The following LETM1 variants were observed in gnomAD, a reference collection of about 807,000 sequenced individuals.
LETM1 encodes mitochondrial proton/calcium exchanger protein.
LETM1 carries 50 observed loss-of-function variants against 74.5 expected under a neutral mutation model. The ratio of observed to expected loss-of-function variants is 0.67; its 90% CI spans 0.53 to 0.85. The LOEUF (loss-of-function observed/expected upper bound fraction) is 0.85, where lower values mean the gene tolerates loss of function less well. Among genes scored for constraint, LETM1 ranks in the 40% least tolerant of loss-of-function variants. The probability of loss-of-function intolerance (pLI) is 0.00; values close to 1 mark genes in which losing one functional copy is unlikely to be tolerated. For missense variants in LETM1, 824 were observed against 967.8 expected (o/e 0.85, Z 1.97); for synonymous variants, 446 against 407.1 (o/e 1.10, Z -1.15).
At chr4:1,821,368 A>G (rs1711768752) in intron 10 of LETM1, among the ~76,000 whole-genome samples, 1 of 151,516 alleles carries the variant, frequency 6.6e-6, no homozygotes, top group Admixed American at 6.6e-5. Flanking sequence ...CTGGGATTAC[A>G]GGCGTGAGCC....
intron 6 of LETM1, among the ~76,000 whole-genome samples, chr4:1,828,742 T>C (rs1712126847): frequency 1.8e-5 from 2 of 113,546 alleles, no homozygotes; most frequent in African/African-American, 7.0e-5. Flanking sequence ...GGCTCCCCAC[T>C]TCCCAGCAGG....
At chr4:1,849,782 G>C (rs763670522) in intron 1 of LETM1, among the ~76,000 whole-genome samples, 5 of 152,108 alleles carry the variant, frequency 3.3e-5, no homozygotes, top group East Asian at 1.9e-4. Context: ...TTTTGGCCTC[G>C]AGCGACCCTC....
intron 4 of LETM1, 150 bp from the exon 5 acceptor site, chr4:1,835,132 T>C: frequency 3.8e-6 from 3 of 782,186 alleles, no homozygotes; most frequent in Non-Finnish European, 6.0e-6. Flanking sequence ...TCAAACTCTT[T>C]TATTTCATGG....
At position 1,834,917 on chromosome 4, in the gene LETM1, G is replaced by C; in HGVS notation, c.804C>G (p.Ile268Met). The change falls in exon 5 of 14, where the codon ATC becomes ATG. Residue 268 changes from isoleucine to methionine, a missense_variant. This residue lies in a region of LETM1 where 269 missense variants were observed against 348.8 expected (regional missense o/e 0.77). Coordinates refer to ENST00000302787, the MANE Select transcript of LETM1 (RefSeq NM_012318.3). The surrounding 1 kb of genome is among the most constrained non-coding windows in gnomAD (Gnocchi z 5.0). ...CCTTGTTCTTCAAGGCCATCTCCTC[G>C]ATGGTGTCCTGGAGGAACTTGGCCA... ...LELAKFLQDT[I>M]EEMALKNKAA... The C allele has an allele frequency of 2.5e-6, 4 of 1,614,144 alleles. No homozygotes were observed. Among genetic ancestry groups the C allele is most frequent in the South Asian group, 1.1e-5 (1 of 91,076 alleles).
chr4:1,838,510 C>T (rs1712567550), intron 3 of LETM1, among the ~76,000 whole-genome samples: 1 of 152,020 alleles, frequency 6.6e-6, no homozygotes, highest in Non-Finnish European at 1.5e-5. Flanking sequence ...GACCCAGTCT[C>T]TACGAAAAAT....
chr4:1,848,490 G>C (rs1712957813), intron 2 of LETM1, among the ~76,000 whole-genome samples: 1 of 151,118 alleles, frequency 6.6e-6, no homozygotes, highest in Non-Finnish European at 1.5e-5. Flanking sequence ...GGATCTTGCA[G>C]TGAGCTGATA....
chr4:1,822,943 G>A, intron 9 of LETM1, 45 bp downstream of exon 9: 2 of 1,349,062 alleles, frequency 1.5e-6, no homozygotes, highest in Non-Finnish European at 1.9e-6. Context: ...TAGGGAGGCT[G>A]GCTCAGGACA....
Position 1,814,327 on chromosome 4 carries a change from T to C in LETM1, c.*97A>G. Reference sequence around the variant, plus strand: ...TCTCTGATTTATTCCAGCCAAAATATTAGATGAGCCACTGAGAATCACCAC... The same window carrying C: ...TCTCTGATTTATTCCAGCCAAAATACTAGATGAGCCACTGAGAATCACCAC... On this transcript the variant is annotated 3_prime_UTR_variant, in exon 14 of 14. Coordinates refer to ENST00000302787, the MANE Select transcript of LETM1 (RefSeq NM_012318.3). 6.4e-6 allele frequency: 10 copies of C among 1,561,748 alleles called. No homozygotes were observed. The highest frequency in any genetic ancestry group is 7.9e-6 in the Non-Finnish European group (9 of 1,145,910).
chr4:1,822,271 C>G lies in LETM1; in HGVS notation c.1518G>C (p.Arg506Ser). 1 of 1,540,538 alleles carries G rather than the reference C, an allele frequency of 6.5e-7. No individual in the cohort carries two copies. The highest frequency in any genetic ancestry group is 8.8e-7 in the Non-Finnish European group (1 of 1,136,188). Residue 506 changes from arginine (R) to serine (S), a missense_variant, in exon 10 of 14, where the codon AGG becomes AGC. By Grantham distance (110) the Arg-to-Ser change is moderately radical. Around this residue, in one of 4 missense-constraint regions of LETM1, gnomAD observed 172 missense variants for 170.7 expected, o/e 1.01. Transcript: ENST00000302787. ...TTTCTGGCTGTGGCTCGGTCCCCGG[C>G]CTTTGGGGAGCAGCTACCACACGTT... ...EPERVVAAPQ[R>S]PGTEPQPEMP...
intron 2 of LETM1, among the ~76,000 whole-genome samples, chr4:1,843,985 C>T (rs1355289445): frequency 6.6e-6 from 1 of 152,234 alleles, no homozygotes; most frequent in Non-Finnish European, 1.5e-5. Flanking sequence ...AATACACCTC[C>T]TCCCTGCATC....
rs1006265301 is a variant in LETM1, at chr4:1,849,274, T to A, written c.83-65A>T. 35 of 1,247,404 alleles carry A rather than the reference T, an allele frequency of 2.8e-5. 1 individual carries two copies. In the African/African-American group the frequency reaches 4.4e-4, roughly 16 times the overall value. 77.3% of individuals were successfully genotyped at this position (1,247,404 alleles called of 1,614,324 possible). A position where few individuals can be genotyped will look rare whatever the true frequency, so the allele number is the denominator to read the frequency against. Reference sequence around the variant, plus strand: ...AGGGATTTATACTGATACCTTTTTTTGTTGTTGGTTTTTGGAGTTTCGCTC... The same window carrying A: ...AGGGATTTATACTGATACCTTTTTTAGTTGTTGGTTTTTGGAGTTTCGCTC... On this transcript the variant is annotated intron_variant, in intron 1 of 13. Coordinates refer to ENST00000302787, the MANE Select transcript of LETM1 (RefSeq NM_012318.3).
chr4:1,830,867 A>C (rs1036913132), intron 6 of LETM1, among the ~76,000 whole-genome samples: 1 of 151,966 alleles, frequency 6.6e-6, no homozygotes, highest in East Asian at 1.9e-4. Flanking sequence ...TCTGACTTCC[A>C]GTGTGTCGCA....
intron 3 of LETM1, among the ~76,000 whole-genome samples, chr4:1,838,300 G>A (rs1220663586): frequency 3.3e-5 from 5 of 151,912 alleles, no homozygotes; most frequent in African/African-American, 9.7e-5. Context: ...GGGTTTCACC[G>A]TGTTGGCCAG....
chr4:1,827,047 G>C (rs1712016370), intron 6 of LETM1, among the ~76,000 whole-genome samples: 2 of 152,222 alleles, frequency 1.3e-5, no homozygotes, highest in African/African-American at 4.8e-5. Flanking sequence ...AAGGCGCAGG[G>C]AGAGGGCAGC....
chr4:1,822,399 GGCCA>G (rs1711814224), intron 9 of LETM1, 87 bp from the exon 10 acceptor site: 2 of 1,304,278 alleles, frequency 1.5e-6, no homozygotes, highest in Non-Finnish European at 2.0e-6. Flanking sequence ...ATATGGCAGA[GGCCA>G]CACTGGGAGC....
chr4:1,835,480 C>A (rs916577380), intron 4 of LETM1, among the ~76,000 whole-genome samples: 25 of 151,472 alleles, frequency 1.7e-4, no homozygotes, highest in African/African-American at 6.1e-4. Context: ...AACAAACAAA[C>A]AAACAAAAAC....
At chr4:1,829,391 G>T (rs957220055) in intron 6 of LETM1, among the ~76,000 whole-genome samples, 1 of 151,540 alleles carries the variant, frequency 6.6e-6, no homozygotes, top group Non-Finnish European at 1.5e-5. Flanking sequence ...TGGCCGGGCG[G>T]GGGGCTGACC....
At chr4:1,838,509 T>C (rs1016959943) in intron 3 of LETM1, among the ~76,000 whole-genome samples, 5 of 152,032 alleles carry the variant, frequency 3.3e-5, no homozygotes, top group Non-Finnish European at 5.9e-5. Flanking sequence ...AGACCCAGTC[T>C]CTACGAAAAA....
intron 1 of LETM1, among the ~76,000 whole-genome samples, chr4:1,850,309 A>G (rs2108857242): frequency 6.6e-6 from 1 of 152,260 alleles, no homozygotes; most frequent in African/African-American, 2.4e-5. Flanking sequence ...GTAGTCCTAA[A>G]AAAAGATGGG....
Sources: gnomAD v4.1 joint callset for allele counts (sites outside exome capture counted in the v4.1 genomes callset) on GRCh38, gnomAD v4.1.1 for gene constraint, gnomAD v4.1.1 regional missense constraint, Gnocchi (gnomAD v3.1) non-coding constraint, MANE v1.5 for transcripts, NCBI Gene and HGNC (gene_info 2026-07-23, HGNC 2026-07-21) for gene names.